MTREX: variants seen among roughly 807,000 people sequenced by gnomAD.
MTREX encodes the protein Mtr4 exosome RNA helicase.
MTREX carries 76 observed loss-of-function variants against 135.4 expected under a neutral mutation model. The ratio of observed to expected loss-of-function variants is 0.56; its 90% CI spans 0.47 to 0.68. MTREX has a LOEUF of 0.68. Ranked by LOEUF, MTREX falls within the 30% of genes least tolerant of loss-of-function variation. MTREX has a pLI of 0.00. For missense variants in MTREX, 920 were observed against 1,262.1 expected (o/e 0.73, Z 4.11); for synonymous variants, 404 against 401.6 (o/e 1.01, Z -0.07).
intron 22 of MTREX, among the ~76,000 whole-genome samples, chr5:55,408,350 C>T (rs1318868538): frequency 6.6e-6 from 1 of 152,114 alleles, no homozygotes; most frequent in African/African-American, 2.4e-5. Flanking sequence ...ATTATTAGAG[C>T]ACTCTGTTAA....
intron 25 of MTREX, 129 bp downstream of exon 25, chr5:55,416,261 T>A (rs1750964226): frequency 1.8e-6 from 1 of 563,494 alleles, no homozygotes. Context: ...CTCCCTATTA[T>A]ATAGATTAAA....
At chr5:55,326,379 G>A (rs1749378040) in intron 3 of MTREX, among the ~76,000 whole-genome samples, 1 of 152,088 alleles carries the variant, frequency 6.6e-6, no homozygotes. Context: ...CAGCCTGGGT[G>A]ACAGAGTGAG....
intron 19 of MTREX, among the ~76,000 whole-genome samples, chr5:55,391,383 GCTGCAGTGAGCCGTGACCATGCCA>G (rs1354450049): frequency 6.6e-6 from 1 of 151,994 alleles, no homozygotes; most frequent in African/African-American, 2.4e-5. Context: ...GGAGGTTAGG[GCTGCAGTGAGCCGTGACCATGCCA>G]CTGCACTCCA....
chr5:55,344,496 G>T (rs1579860101), intron 8 of MTREX, 26 bp from the exon 9 acceptor site: 1 of 1,458,652 alleles, frequency 6.9e-7, no homozygotes, highest in Non-Finnish European at 9.6e-7. Context: ...ATAAAATTTT[G>T]TATGTTTAAT....
chr5:55,375,778 A>G (rs1009935963), intron 16 of MTREX, among the ~76,000 whole-genome samples: 4 of 152,212 alleles, frequency 2.6e-5, no homozygotes, highest in African/African-American at 4.8e-5. Context: ...ATTGCAGTAA[A>G]GACAGGCATA....
At chr5:55,344,383 T>C in intron 8 of MTREX, 139 bp from the exon 9 acceptor site, 1 of 606,180 alleles carries the variant, frequency 1.6e-6, no homozygotes. Flanking sequence ...GCCTGGGTTT[T>C]AGTGAATTTT....
rs1750930020 is a variant in MTREX, at chr5:55,414,208, AC to A, written c.2779del (p.Gln927AsnfsTer2). On this transcript the variant is annotated frameshift_variant, in exon 24 of 27. Transcript: ENST00000230640. LOFTEE classifies it high-confidence loss of function. ...NSSEMPKLTE[Q>X]LAGPLRQMQE... ...CTAGTGAGATGCCCAAATTAACAGA[AC>A]AATTAGCAGGACCACTTCGTCAAAT... 1.3e-6 allele frequency: 2 copies of A among 1,573,764 alleles called. No homozygotes were observed. The highest frequency in any genetic ancestry group is 1.7e-6 in the Non-Finnish European group (2 of 1,169,124).
At chr5:55,352,401 T>G (rs1749844010) in intron 13 of MTREX, among the ~76,000 whole-genome samples, 1 of 152,174 alleles carries the variant, frequency 6.6e-6, no homozygotes, top group Non-Finnish European at 1.5e-5. Context: ...TTTTAAAAAA[T>G]ACACAAGCAG....
chr5:55,368,239 A>G (rs1177325251), intron 16 of MTREX, among the ~76,000 whole-genome samples: 3 of 152,136 alleles, frequency 2.0e-5, no homozygotes, highest in East Asian at 1.9e-4. Flanking sequence ...ACTTGAGGTC[A>G]GGAGTTCGAG....
rs566108013 is a variant in MTREX at position 55,420,689 on chromosome 5, G to C, written c.2972-2189G>C. Among the ~76,000 whole-genome samples, 25 of 152,330 alleles carry C rather than the reference G, an allele frequency of 1.6e-4. No individual in the cohort carries two copies. The East Asian group carries it at 2.9e-3, about 18-fold the overall frequency. On this transcript the variant is annotated intron_variant, in intron 25 of 26. Transcript: ENST00000230640. ...TTCATAGAGACAAAGCATAGACGTG[G>C]TTGCCATGGGCTGGAGGGACAGGAA...
chr5:55,361,892 C>T (rs1464870038), intron 15 of MTREX, among the ~76,000 whole-genome samples: 1 of 147,232 alleles, frequency 6.8e-6, no homozygotes, highest in East Asian at 2.1e-4. Context: ...CATACCCAGC[C>T]TTGTTGTTGT....
intron 21 of MTREX, among the ~76,000 whole-genome samples, chr5:55,403,223 A>G (rs1750752289): frequency 6.6e-6 from 1 of 152,040 alleles, no homozygotes; most frequent in Admixed American, 6.6e-5. Context: ...CAAAAACAAA[A>G]AAAAAGTGTA....
intron 21 of MTREX, among the ~76,000 whole-genome samples, chr5:55,404,430 A>T (rs769688680): frequency 7.2e-5 from 11 of 152,336 alleles, no homozygotes; most frequent in Non-Finnish European, 1.5e-4. Context: ...TGCTAAAACC[A>T]TTTCCAGCCT....
chr5:55,361,912 GTTTGTT>G (rs1554032681), intron 15 of MTREX, among the ~76,000 whole-genome samples: 12 of 150,398 alleles, frequency 8.0e-5, no homozygotes, highest in South Asian at 2.1e-4. Context: ...TTGTTTGTTT[GTTTGTT>G]TTTGTTTTTG....
At chr5:55,364,378 GTGTT>G (rs1222516508) in intron 15 of MTREX, among the ~76,000 whole-genome samples, 1 of 152,116 alleles carries the variant, frequency 6.6e-6, no homozygotes, top group Non-Finnish European at 1.5e-5. Context: ...TGTGTGGTGT[GTGTT>G]TGAGAAATAA....
At chr5:55,407,809 A>G (rs1750829749) in intron 22 of MTREX, among the ~76,000 whole-genome samples, 1 of 152,116 alleles carries the variant, frequency 6.6e-6, no homozygotes, top group Admixed American at 6.5e-5. Context: ...GCTGGGGTGC[A>G]GTGGTGCAAT....
chr5:55,325,230 C>CT lies in MTREX; in HGVS notation c.339+1044dup, dbSNP rs574132785. 2.9e-3 allele frequency among the ~76,000 whole-genome samples: 406 copies of CT among 138,916 alleles called. 3 individuals are homozygous for CT. Among genetic ancestry groups the CT allele is most frequent in the Middle Eastern group, 0.027 (7 of 256 alleles). The allele number at this position is 138,916 out of a possible 152,430, so 91.1% of individuals were successfully genotyped here. ...TTTCAATGTAGGTTTAGAACCTTAT[C>CT]TTTTTTTTTTTTAACTTCAGATTCA... On this transcript the variant is annotated intron_variant, in intron 3 of 26. Transcript: ENST00000230640.
chr5:55,323,508 G>C (rs1338677257), intron 2 of MTREX, among the ~76,000 whole-genome samples: 1 of 151,942 alleles, frequency 6.6e-6, no homozygotes, highest in African/African-American at 2.4e-5. Flanking sequence ...TGCCATCTCA[G>C]CCTCCCCAGG....
chr5:55,347,218 A>T (rs1579861667), intron 11 of MTREX, 74 bp downstream of exon 11: 2 of 1,396,638 alleles, frequency 1.4e-6, no homozygotes, highest in East Asian at 4.8e-5. Flanking sequence ...TAATATTTTT[A>T]TCTGTTACAT....
Sources: gnomAD v4.1 joint callset for allele counts (sites outside exome capture counted in the v4.1 genomes callset) on GRCh38, gnomAD v4.1.1 for gene constraint, MANE v1.5 for transcripts, NCBI Gene and HGNC (gene_info 2026-07-23, HGNC 2026-07-21) for gene names.